TMEM101: variants seen among roughly 807,000 people sequenced by gnomAD.
TMEM101 encodes putative NF-kappa-B-activating protein 130.
In TMEM101, 14 loss-of-function variants were observed where a neutral mutation model predicts 26.0. The observed-to-expected ratio is 0.54, with a 90% CI of 0.36 to 0.84. TMEM101 has a LOEUF of 0.84. Ranked by LOEUF, TMEM101 falls within the 40% of genes least tolerant of loss-of-function variation. The pLI, the probability that TMEM101 is intolerant of heterozygous loss-of-function variation, is 0.01. For missense variants in TMEM101, 292 were observed against 345.1 expected, an observed-to-expected ratio of 0.85 and a Z score of 1.22; for synonymous variants, 152 against 145.1, an observed-to-expected ratio of 1.05 and a Z score of -0.34.
chr17:44,014,106 G>C, intron 2 of TMEM101, among the ~76,000 whole-genome samples: 1 of 152,322 alleles, frequency 6.6e-6, no homozygotes, highest in East Asian at 1.9e-4. Flanking sequence ...CCAGTATCCT[G>C]TATTGTGGCT....
At chr17:44,021,524 A>C (rs976787844) in intron 1 of TMEM101, 8 of 152,316 alleles carry the variant, frequency 5.3e-5, no homozygotes, top group Admixed American at 1.3e-4. Flanking sequence ...TCTTCCCAGT[A>C]TTGTTTTCCC....
chr17:44,021,174 T>A (rs949112326), intron 2 of TMEM101: 1 of 152,160 alleles, frequency 6.6e-6, no homozygotes, highest in African/African-American at 2.4e-5. Flanking sequence ...TCTATTGGGG[T>A]GGAAATTTCC....
chr17:44,015,037 C>CT, upstream of TMEM101: 5 of 1,490,188 alleles, frequency 3.4e-6, no homozygotes, highest in Non-Finnish European at 2.7e-6. Context: ...GGGTCAAGCG[C>CT]TTTTTCTTTT....
At position 44,013,159 on chromosome 17, in the gene TMEM101, G is replaced by C. The variant is rs1338574500; in HGVS notation, c.319-4C>G. ...CTGTGCGCGAGTACATACGGACCTA[G>C]GCCGGGGTAAGGGGACCCCAGTCAA... On this transcript the variant is annotated splice_polypyrimidine_tract_variant and splice_region_variant and intron_variant, in intron 2 of 3. Transcript: ENST00000206380. 1 of 1,556,182 alleles carries C rather than the reference G, an allele frequency of 6.4e-7. No homozygotes were observed. The highest frequency in any genetic ancestry group is 8.8e-7 in the Non-Finnish European group (1 of 1,140,970).
intron 2 of TMEM101, among the ~76,000 whole-genome samples, chr17:44,013,550 T>C (rs1166423858): frequency 6.6e-6 from 1 of 151,982 alleles, no homozygotes. Context: ...TCCCAACTAC[T>C]TGGGAGACTG....
At position 44,014,858 on chromosome 17, in the gene TMEM101, A is replaced by C; in HGVS notation, c.95T>G (p.Phe32Cys). 6.2e-7 allele frequency: 1 copy of C among 1,613,524 alleles called. No individual in the cohort carries two copies. Among genetic ancestry groups the C allele is most frequent in the Non-Finnish European group, 8.5e-7 (1 of 1,179,652 alleles). Residue 32 changes from phenylalanine to cysteine, a missense_variant, in exon 1 of 4, where the codon TTC becomes TGC. This residue lies in a region of TMEM101 where 143 missense variants were observed against 133.2 expected (regional missense o/e 1.07). Transcript: ENST00000206380. Reference protein sequence around the residue: ...LLTRCPFWGCFSQLMLYAERA... With the variant: ...LLTRCPFWGCCSQLMLYAERA... ...CTCAGCGTACAGCATGAGCTGGCTG[A>C]AGCAGCCCCAAAAGGGGCAGCGTGT...
At chr17:44,012,957 C>T (rs775886545) in intron 3 of TMEM101, 52 bp downstream of exon 3, 1 of 1,493,804 alleles carries the variant, frequency 6.7e-7, no homozygotes, top group South Asian at 1.3e-5. Flanking sequence ...CATGCCTAGA[C>T]TCACAGTTCA....
At chr17:44,012,420 T>G in intron 3 of TMEM101, 184 bp from the exon 4 acceptor site, 1 of 610,288 alleles carries the variant, frequency 1.6e-6, no homozygotes. Flanking sequence ...CCCAGGAGAT[T>G]AGGGCCCATG....
upstream of TMEM101, among the ~76,000 whole-genome samples, chr17:44,017,740 G>C (rs1194503442): frequency 6.7e-6 from 1 of 149,920 alleles, no homozygotes; most frequent in East Asian, 2.0e-4. Context: ...TCCAGCCTGG[G>C]CGACAAGAGC....
intron 2 of TMEM101, among the ~76,000 whole-genome samples, chr17:44,020,449 G>A (rs546323232): frequency 1.4e-4 from 22 of 152,278 alleles, no homozygotes; most frequent in Admixed American, 9.1e-4. Flanking sequence ...GGCCAGGCGC[G>A]GTGGCTCACA....
At chr17:44,012,707 C>T (rs911977815) in intron 3 of TMEM101, 2 of 423,842 alleles carry the variant, frequency 4.7e-6, no homozygotes, top group Non-Finnish European at 8.4e-6. Flanking sequence ...CCTTTATCCC[C>T]TTCTAGTCCT....
upstream of TMEM101, chr17:44,023,139 C>T (rs149714169): frequency 2.6e-4 from 65 of 248,316 alleles, no homozygotes; most frequent in East Asian, 7.6e-3. Flanking sequence ...CATGAAGCTT[C>T]GGCGCAGTCT....
chr17:44,014,465 G>C lies in TMEM101; in HGVS notation c.210C>G (p.Ser70=). 1 of 1,563,196 alleles carries C rather than the reference G, an allele frequency of 6.4e-7. No individual in the cohort carries two copies. Among genetic ancestry groups the C allele is most frequent in the Non-Finnish European group, 8.7e-7 (1 of 1,153,328 alleles). ...CGAACCAGCGCCGCTTCACGCCAAAGGACATGAAACTAGCGCACAGCACGG... is the reference window on the plus strand; with the variant it reads ...CGAACCAGCGCCGCTTCACGCCAAACGACATGAAACTAGCGCACAGCACGG... ...GAAVLCASFM[S]FGVKRRWFAL... is the part of the protein sequence containing the mutation. Residue 70 remains serine, a synonymous_variant, in exon 2 of 4, where the codon TCC becomes TCG. Transcript: ENST00000206380.
chr17:44,015,059 AC>A, upstream of TMEM101: 1 of 1,450,168 alleles, frequency 6.9e-7, no homozygotes. Flanking sequence ...CCTCCCGGAA[AC>A]AACGGTGTCA....
upstream of TMEM101, among the ~76,000 whole-genome samples, chr17:44,016,027 C>A (rs1451561764): frequency 6.6e-6 from 1 of 152,080 alleles, no homozygotes; most frequent in African/African-American, 2.4e-5. Context: ...CCTTCTCCCA[C>A]GCCCCACCCG....
At chr17:44,020,303 C>T (rs892788729) in intron 2 of TMEM101, among the ~76,000 whole-genome samples, 1 of 152,186 alleles carries the variant, frequency 6.6e-6, no homozygotes, top group Non-Finnish European at 1.5e-5. Context: ...CCCCAGGGAA[C>T]AGGAAGAGTT....
Position 44,012,739 on chromosome 17 carries a change from G to A in TMEM101, c.465+270C>T, listed in dbSNP as rs1249591210. On this transcript the variant is annotated intron_variant, in intron 3 of 3. Transcript: ENST00000206380. ...TCCTTTGGGGGCTGGAGCCATGAGA[G>A]AATCACCCCATCTTGTTCTCCTGGC... 2.1e-5 allele frequency: 9 copies of A among 429,998 alleles called. No individual in the cohort carries two copies. In the East Asian group the frequency reaches 2.3e-4, roughly 11 times the overall value. The allele number at this position is 429,998 out of a possible 1,614,324, so 26.6% of individuals were successfully genotyped here.
upstream of TMEM101, among the ~76,000 whole-genome samples, chr17:44,018,786 G>T (rs2049257832): frequency 6.6e-6 from 1 of 152,284 alleles, no homozygotes; most frequent in Admixed American, 6.5e-5. Context: ...CAGGGGGAGG[G>T]GAAGATTGGA....
rs3744422 is a variant in TMEM101 at position 44,012,329 on chromosome 17, T to A, written c.466-93A>T. The stretch of plus-strand genomic sequence containing the variant: ...GAGATGGCACCTGCAAATGAGTCCC[T>A]GCAGATGGGCTTCTGACTCCCCTCT... On this transcript the variant is annotated intron_variant, in intron 3 of 3. Coordinates refer to ENST00000206380, the MANE Select transcript of TMEM101 (RefSeq NM_032376.4). 325 of 1,228,468 alleles carry A rather than the reference T, an allele frequency of 2.6e-4. No homozygotes were observed. In the East Asian group the frequency reaches 7.9e-3, roughly 30 times the overall value. The allele number at this position is 1,228,468 out of a possible 1,614,324, so 76.1% of individuals were successfully genotyped here.
Sources: allele counts gnomAD v4.1 joint callset (sites outside exome capture counted in the v4.1 genomes callset), GRCh38; gene constraint gnomAD v4.1.1; regional missense constraint gnomAD v4.1.1; transcripts MANE v1.5; gene names NCBI Gene and HGNC (gene_info 2026-07-23, HGNC 2026-07-21).